LARP4B: variants seen among roughly 807,000 people sequenced by gnomAD.
LARP4B encodes la-related protein 4B.
Under a neutral mutation model 89.8 loss-of-function variants are expected in LARP4B, and 12 were observed. The observed-to-expected ratio is 0.13, with a 90% CI of 0.09 to 0.22. The LOEUF (loss-of-function observed/expected upper bound fraction) is 0.22. Among genes scored for constraint, LARP4B ranks in the 10% least tolerant of loss-of-function variants. The pLI, the probability that LARP4B is intolerant of heterozygous loss-of-function variation, is 1.00. For synonymous variants in LARP4B, 367 were observed against 363.3 expected, an observed-to-expected ratio of 1.01 and a Z score of -0.12; for missense variants, 757 against 947.7, an observed-to-expected ratio of 0.80 and a Z score of 2.64.
chr10:830,186 TA>T (rs891991101), intron 9 of LARP4B, among the ~76,000 whole-genome samples: 44 of 152,178 alleles, frequency 2.9e-4, no homozygotes, highest in African/African-American at 9.4e-4. Context: ...AATTCTACAT[TA>T]AACCCCTATA....
rs781692635 is a variant in LARP4B, at chr10:885,684, G to T, written c.38C>A (p.Pro13Gln). Residue 13 changes from proline (P) to glutamine (Q), a missense_variant, in exon 2 of 18, where the codon CCG becomes CAG. Pro to Gln is a moderately conservative substitution (Grantham distance 76). This residue lies in a region of LARP4B where 175 missense variants were observed against 187.0 expected (regional missense o/e 0.94). Coordinates refer to ENST00000316157, the MANE Select transcript of LARP4B (RefSeq NM_015155.3). ...GCCCTCCTGGACTCTCTGCGTCTGC[G>T]GTTCAGCCACAACCTTAGCGTCCTG... ...SDQDAKVVAE[P>Q]QTQRVQEGKD... The T allele has an allele frequency of 6.2e-7, 1 of 1,613,940 alleles. No individual in the cohort carries two copies. Among genetic ancestry groups the T allele is most frequent in the African/African-American group, 1.3e-5 (1 of 74,884 alleles).
At chr10:974,132 T>C in the LARP4B span, among the ~76,000 whole-genome samples, 1 of 152,120 alleles carries the variant, frequency 6.6e-6, no homozygotes, top group Non-Finnish European at 1.5e-5. Context: ...ACACCTTTTG[T>C]GCGAGGTCTG....
chr10:874,512 A>G (rs1180816339), intron 3 of LARP4B, among the ~76,000 whole-genome samples: 1 of 152,244 alleles, frequency 6.6e-6, no homozygotes. Context: ...CAAGTTGCTC[A>G]TGTACTATGT....
the LARP4B span, among the ~76,000 whole-genome samples, chr10:944,803 A>G: frequency 6.6e-6 from 1 of 151,670 alleles, no homozygotes; most frequent in Admixed American, 6.5e-5. Flanking sequence ...ATTTCTAATT[A>G]AATCCAGTCC....
chr10:925,527 T>C lies in LARP4B; in HGVS notation c.-40+5901A>G, dbSNP rs534189890. Among the ~76,000 whole-genome samples the C allele has an allele frequency of 5.3e-5, 8 of 152,274 alleles. 1 individual carries two copies. The South Asian group carries it at 1.7e-3, about 32-fold the overall frequency. ...CTATGGCTATCTAAAAGGGGGCATT[T>C]ATTTTATTTTATTTCATTTTTTTTC... On this transcript the variant is annotated intron_variant, in intron 1 of 17. Transcript: ENST00000316157.
chr10:948,094 C>T, the LARP4B span, among the ~76,000 whole-genome samples: 1 of 151,752 alleles, frequency 6.6e-6, no homozygotes, highest in African/African-American at 2.4e-5. Flanking sequence ...CGCCCACCAC[C>T]CACCACCGAG....
At chr10:945,103 G>T in the LARP4B span, among the ~76,000 whole-genome samples, 1 of 152,054 alleles carries the variant, frequency 6.6e-6, no homozygotes, top group Admixed American at 6.6e-5. Context: ...CATTTTTAAG[G>T]CTGGGCATGG....
upstream of LARP4B, among the ~76,000 whole-genome samples, chr10:935,056 G>A (rs1422729243): frequency 6.6e-6 from 1 of 152,208 alleles, no homozygotes. Flanking sequence ...GTCCCAGCCT[G>A]TCTTCAGCCC....
the LARP4B span, among the ~76,000 whole-genome samples, chr10:950,520 TC>T: frequency 6.6e-6 from 1 of 152,226 alleles, no homozygotes; most frequent in Admixed American, 6.5e-5. Flanking sequence ...AAAAATCTTC[TC>T]TATGTCTGCA....
chr10:872,920 G>T, intron 3 of LARP4B: 1 of 486,458 alleles, frequency 2.1e-6, no homozygotes, highest in Non-Finnish European at 2.7e-6. Context: ...GACCCTGTTT[G>T]TGCCCAGACC....
chr10:860,799 T>A (rs1304407742), intron 5 of LARP4B, among the ~76,000 whole-genome samples: 1 of 151,538 alleles, frequency 6.6e-6, no homozygotes, highest in Non-Finnish European at 1.5e-5. Flanking sequence ...GGCCCAGGAG[T>A]TCCATCTTTT....
the LARP4B span, chr10:971,472 AC>A: frequency 6.6e-6 from 1 of 152,188 alleles, no homozygotes; most frequent in Non-Finnish European, 1.5e-5. Context: ...GTAGGAAAAA[AC>A]ATTTTCCTCA....
chr10:907,724 A>G (rs1362906277), intron 1 of LARP4B, among the ~76,000 whole-genome samples: 1 of 152,204 alleles, frequency 6.6e-6, no homozygotes. Context: ...TTTGTATACT[A>G]ATGATATGAC....
At chr10:878,407 C>T (rs1334577678) in intron 3 of LARP4B, among the ~76,000 whole-genome samples, 1 of 152,166 alleles carries the variant, frequency 6.6e-6, no homozygotes, top group Non-Finnish European at 1.5e-5. Flanking sequence ...GCAGCCTGAC[C>T]ATCTCAGAAA....
At chr10:847,599 T>C (rs759460977) in intron 5 of LARP4B, among the ~76,000 whole-genome samples, 44 of 152,044 alleles carry the variant, frequency 2.9e-4, no homozygotes, top group Non-Finnish European at 5.7e-4. Context: ...CAACCTTGGC[T>C]CACTGCAACC....
chr10:893,758 G>A (rs1836108075), intron 1 of LARP4B, among the ~76,000 whole-genome samples: 1 of 152,160 alleles, frequency 6.6e-6, no homozygotes, highest in Non-Finnish European at 1.5e-5. Context: ...AAGACACAGA[G>A]GCCACAGCAA....
intron 1 of LARP4B, among the ~76,000 whole-genome samples, chr10:889,018 G>A (rs1835942489): frequency 6.6e-6 from 1 of 152,172 alleles, no homozygotes; most frequent in Non-Finnish European, 1.5e-5. Flanking sequence ...CCAGGAGGTG[G>A]AGGTTTCAGT....
At chr10:911,710 C>T (rs562464326) in intron 1 of LARP4B, among the ~76,000 whole-genome samples, 12 of 152,270 alleles carry the variant, frequency 7.9e-5, no homozygotes, top group African/African-American at 2.2e-4. Context: ...GTTTTCAGTA[C>T]GGAGTCTGAA....
At chr10:980,747 C>A in the LARP4B span, among the ~76,000 whole-genome samples, 3 of 152,206 alleles carry the variant, frequency 2.0e-5, no homozygotes, top group African/African-American at 7.2e-5. Flanking sequence ...ATGGGAGGGG[C>A]TCCTGGGAAG....
Sources: gnomAD v4.1 joint callset for allele counts (sites outside exome capture counted in the v4.1 genomes callset) on GRCh38, gnomAD v4.1.1 for gene constraint, gnomAD v4.1.1 regional missense constraint, MANE v1.5 for transcripts, NCBI Gene and HGNC (gene_info 2026-07-23, HGNC 2026-07-21) for gene names.